Variants in XRN1 observed in about 807,000 individuals in gnomAD.
XRN1 encodes the protein strand-exchange protein 1 homolog.
Under a neutral mutation model 222.3 loss-of-function variants are expected in XRN1, and 67 were observed. The ratio of observed to expected loss-of-function variants is 0.30; its 90% CI spans 0.25 to 0.37. The LOEUF (loss-of-function observed/expected upper bound fraction) is 0.37, where lower values mean the gene tolerates loss of function less well. XRN1 is among the 10% of genes least tolerant of loss of function. The probability of loss-of-function intolerance (pLI) is 1.00; values close to 1 mark genes in which losing one functional copy is unlikely to be tolerated. For missense variants in XRN1, 1,707 were observed against 2,000.2 expected (o/e 0.85, Z 2.80); for synonymous variants, 643 against 652.4 (o/e 0.99, Z 0.22).
At chr3:142,410,251 C>G (rs2068512125) in intron 15 of XRN1, among the ~76,000 whole-genome samples, 1 of 151,758 alleles carries the variant, frequency 6.6e-6, no homozygotes, top group Non-Finnish European at 1.5e-5. Context: ...TTTTATATGC[C>G]TTTATCATAA....
intron 37 of XRN1, among the ~76,000 whole-genome samples, chr3:142,326,393 C>T (rs1241924233): frequency 6.6e-6 from 1 of 151,826 alleles, no homozygotes; most frequent in Non-Finnish European, 1.5e-5. Flanking sequence ...TGATTAATTT[C>T]TAGGTATTTT....
chr3:142,319,903 T>G (rs941037468), intron 37 of XRN1, among the ~76,000 whole-genome samples: 1 of 151,020 alleles, frequency 6.6e-6, no homozygotes, highest in East Asian at 1.9e-4. Context: ...ACATGGTGTG[T>G]GTATACACAC....
At chr3:142,380,347 C>T (rs890845335) in intron 22 of XRN1, among the ~76,000 whole-genome samples, 167 bp from the exon 23 acceptor site, 7 of 152,072 alleles carry the variant, frequency 4.6e-5, no homozygotes, top group Admixed American at 1.3e-4. Context: ...GTCACTGTAT[C>T]GTTGCTTTAA....
At chr3:142,325,339 T>C (rs1005643301) in intron 37 of XRN1, among the ~76,000 whole-genome samples, 1 of 152,206 alleles carries the variant, frequency 6.6e-6, no homozygotes, top group Non-Finnish European at 1.5e-5. Flanking sequence ...TTTTTTCATA[T>C]ACCTGTTGGC....
intron 33 of XRN1, among the ~76,000 whole-genome samples, chr3:142,340,347 C>T (rs2065959085): frequency 1.3e-5 from 2 of 151,648 alleles, no homozygotes; most frequent in South Asian, 4.2e-4. Context: ...AAAAGTGAAA[C>T]TCCATCTCAA....
chr3:142,334,803 A>ACAC (rs57347012), intron 34 of XRN1, among the ~76,000 whole-genome samples: 3,486 of 134,254 alleles, frequency 0.026, 70 homozygotes, highest in Middle Eastern at 0.053. Context: ...CACACACACA[A>ACAC]AAGACCATAT....
chr3:142,347,844 C>T (rs1319980536), intron 32 of XRN1, among the ~76,000 whole-genome samples: 4 of 151,960 alleles, frequency 2.6e-5, no homozygotes, highest in Admixed American at 2.0e-4. Context: ...GCAATTCTCC[C>T]ACCTCGGCCT....
intron 10 of XRN1, among the ~76,000 whole-genome samples, chr3:142,419,882 C>T (rs2068938865): frequency 6.6e-6 from 1 of 151,590 alleles, no homozygotes; most frequent in African/African-American, 2.4e-5. Flanking sequence ...AAGAGGTTTA[C>T]TTTTCAAGTT....
rs887526342 is a variant in XRN1, at chr3:142,375,699, T to C, written c.2978+99A>G. ...TGTAACATATGCCAGATTTTACTAA[T>C]GGAAATATTTGTCCTCTAAAACTAA... is the stretch of plus-strand genomic sequence containing the variant. On this transcript the variant is annotated intron_variant, in intron 25 of 40. Coordinates refer to ENST00000392981, the MANE Select transcript of XRN1 (RefSeq NM_001282857.2). 5 of 1,197,438 alleles carry C rather than the reference T, an allele frequency of 4.2e-6. No homozygotes were observed. The African/African-American group carries it at 6.3e-5, about 15-fold the overall frequency. 74.2% of individuals were successfully genotyped at this position (1,197,438 alleles called of 1,614,324 possible).
At chr3:142,417,089 A>G (rs1488812163) in intron 13 of XRN1, 51 bp downstream of exon 13, 1 of 1,392,412 alleles carries the variant, frequency 7.2e-7, no homozygotes, top group Non-Finnish European at 1.0e-6. Flanking sequence ...ACTCTAGTAG[A>G]ATGAATCATT....
At chr3:142,418,175 C>T in intron 12 of XRN1, 1 of 225,918 alleles carries the variant, frequency 4.4e-6, no homozygotes, top group Non-Finnish European at 8.5e-6. Flanking sequence ...GAGATGGTGA[C>T]TGTAATGAAG....
At position 142,447,971 on chromosome 3, in the gene XRN1, A is replaced by G. The variant is rs779960294; in HGVS notation, c.-27T>C. On this transcript the variant is annotated 5_prime_UTR_variant, in exon 1 of 41. Coordinates refer to ENST00000392981, the MANE Select transcript of XRN1 (RefSeq NM_001282857.2). The surrounding 1 kb of genome is among the most constrained non-coding windows in gnomAD (Gnocchi z 4.2). ...TCGATCGTCAACACTAATCCCAGTC[A>G]GGGCCAAACCGAAACCAAACGCCCC... 6.2e-7 allele frequency: 1 copy of G among 1,611,362 alleles called. No individual in the cohort carries two copies. Among genetic ancestry groups the G allele is most frequent in the South Asian group, 1.1e-5 (1 of 90,848 alleles).
Position 142,365,311 on chromosome 3 carries a change from C to A in XRN1, c.3260G>T (p.Arg1087Ile), listed in dbSNP as rs2066781075. The A allele has an allele frequency of 6.3e-7, 1 of 1,592,734 alleles. No individual in the cohort carries two copies. Residue 1087 changes from arginine (R) to isoleucine (I), a missense_variant and splice_region_variant, in exon 28 of 41, where the codon AGA (arginine) becomes ATA (isoleucine). Around this residue, in one of 2 missense-constraint regions of XRN1, gnomAD observed 1,234 missense variants for 1,518.2 expected, o/e 0.81. Transcript: ENST00000392981. ...RVTVKPHLLY[R>I]PLEQQHGVIP... ...TGAATTCTTTGATAGGAAACTTACT[C>A]TGTATAGCAAATGGGGTTTCACTGT...
chr3:142,377,671 C>A (rs1167401483), intron 23 of XRN1, among the ~76,000 whole-genome samples: 2 of 152,114 alleles, frequency 1.3e-5, no homozygotes, highest in African/African-American at 4.8e-5. Flanking sequence ...AAAACCATCA[C>A]AAACATCCTA....
rs982644391 is a variant in XRN1, at chr3:142,443,880, T to C, written c.75+3990A>G. 1.6e-4 allele frequency among the ~76,000 whole-genome samples: 24 copies of C among 152,352 alleles called. No homozygotes were observed. The East Asian group carries it at 4.4e-3, about 28-fold the overall frequency. Reference sequence around the variant, plus strand: ...TAAAGAAAATGTGGTATATACACAATGGAGTACTATTCAGCCACAAGAAGG... The same window carrying C: ...TAAAGAAAATGTGGTATATACACAACGGAGTACTATTCAGCCACAAGAAGG... On this transcript the variant is annotated intron_variant, in intron 1 of 40. Coordinates refer to ENST00000392981, the MANE Select transcript of XRN1 (RefSeq NM_001282857.2).
Position 142,403,958 on chromosome 3 carries a change from C to G in XRN1, c.1915G>C (p.Val639Leu). 5 of 1,594,654 alleles carry G rather than the reference C, an allele frequency of 3.1e-6. No homozygotes were observed. The highest frequency in any genetic ancestry group is 4.3e-6 in the Non-Finnish European group (5 of 1,162,828). Reference sequence around the variant, plus strand: ...GTTATTTTGTTTTTGTTTATGTCTACACGCCAAGCATCTAAGGATATTATT... The same window carrying G: ...GTTATTTTGTTTTTGTTTATGTCTAGACGCCAAGCATCTAAGGATATTATT... The part of the protein sequence containing the change: ...YKIISLDAWR[V>L]DINKNKITRI... Residue 639 changes from valine to leucine, a missense_variant, in exon 17 of 41, where the codon GTA becomes CTA. Val to Leu is a conservative substitution (Grantham distance 32). Coordinates refer to ENST00000392981, the MANE Select transcript of XRN1 (RefSeq NM_001282857.2).
In XRN1 at chr3:142,376,557, G is replaced by A. The variant is rs2067148297; in HGVS notation, c.2753C>T (p.Ala918Val). ...SIKYNPGYVL[A>V]SRLGVSGYLV... ...GTATCCACTCACTCCAAGGCGACTG[G>A]CCAACACATATCCTGGGTTGTACTT... Residue 918 changes from alanine (A) to valine (V), a missense_variant, in exon 24 of 41, where the codon GCC (alanine) becomes GTC (valine). By Grantham distance (64) the Ala-to-Val change is moderately conservative. Transcript: ENST00000392981. 3 of 1,612,760 alleles carry A rather than the reference G, an allele frequency of 1.9e-6. No homozygotes were observed. Among genetic ancestry groups the A allele is most frequent in the Non-Finnish European group, 2.5e-6 (3 of 1,179,280 alleles).
intron 5 of XRN1, among the ~76,000 whole-genome samples, chr3:142,424,025 G>A (rs1045805736): frequency 5.3e-5 from 8 of 151,384 alleles, no homozygotes; most frequent in African/African-American, 2.0e-4. Flanking sequence ...TTGGAGACCA[G>A]GATAGCCCCA....
Position 142,431,911 on chromosome 3 carries a change from TAAATA to T in XRN1, c.308+745_308+749del, listed in dbSNP as rs1329898141. Among the ~76,000 whole-genome samples the T allele has an allele frequency of 4.7e-3, 128 of 27,148 alleles. 5 individuals carry two copies. The highest frequency in any genetic ancestry group is 0.036 in the African/African-American group (126 of 3,540). The allele number at this position is 27,148 out of a possible 152,430, so 17.8% of individuals were successfully genotyped here. ...ATATATAATATATATATTATATATA[TAAATA>T]TATATAATATAATATATTGTATATA... On this transcript the variant is annotated intron_variant, in intron 2 of 40. Coordinates refer to ENST00000392981, the MANE Select transcript of XRN1 (RefSeq NM_001282857.2).
Sources: allele counts gnomAD v4.1 joint callset (sites outside exome capture counted in the v4.1 genomes callset), GRCh38; gene constraint gnomAD v4.1.1; regional missense constraint gnomAD v4.1.1; non-coding constraint Gnocchi (gnomAD v3.1); transcripts MANE v1.5; gene names NCBI Gene and HGNC (gene_info 2026-07-23, HGNC 2026-07-21).